Variants in SIRT1 observed in about 807,000 individuals in gnomAD.
The protein encoded by SIRT1 is NAD-dependent protein deacetylase sirtuin-1.
A neutral mutation model predicts 67.9 loss-of-function variants in SIRT1; 24 were observed. That is an observed-to-expected ratio of 0.35 (90% confidence interval 0.26 to 0.50). The LOEUF is 0.50. Ranked by LOEUF, SIRT1 falls within the 20% of genes least tolerant of loss-of-function variation. The pLI is 0.98. For missense variants in SIRT1, 873 were observed against 937.2 expected (o/e 0.93, Z 0.89); for synonymous variants, 378 against 350.7 (o/e 1.08, Z -0.87).
chr10:67,884,658 C>A lies in SIRT1; in HGVS notation c.-64C>A, dbSNP rs1018687993. 29 of 1,223,340 alleles carry A rather than the reference C, an allele frequency of 2.4e-5. No homozygotes were observed. Among genetic ancestry groups the A allele is most frequent in the Non-Finnish European group, 3.0e-5 (29 of 982,630 alleles). 75.8% of individuals were successfully genotyped at this position (1,223,340 alleles called of 1,614,324 possible). A position where few individuals can be genotyped will look rare whatever the true frequency, so the allele number is the denominator to read the frequency against. On this transcript the variant is annotated 5_prime_UTR_variant, in exon 1 of 9. Coordinates refer to ENST00000212015, the MANE Select transcript of SIRT1 (RefSeq NM_012238.5). ...CCCGCAGCCGGAGCCGCGGGGGCGC[C>A]AGTGCCGCGCGTCGAGCGGGAGCAG...
chr10:67,896,276 G>C (rs544892428), intron 4 of SIRT1, among the ~76,000 whole-genome samples: 2 of 152,202 alleles, frequency 1.3e-5, no homozygotes, highest in Admixed American at 1.3e-4. Context: ...GAGACCATAG[G>C]CACGTACCAT....
Position 67,912,790 on chromosome 10 carries a change from A to G in SIRT1, c.1674A>G (p.Gln558=), listed in dbSNP as rs745961685. 5 of 1,614,172 alleles carry G rather than the reference A, an allele frequency of 3.1e-6. No homozygotes were observed. Among genetic ancestry groups the G allele is most frequent in the Non-Finnish European group, 4.2e-6 (5 of 1,180,024 alleles). The change falls in exon 8 of 9, where the codon CAA becomes CAG. Residue 558 remains glutamine (Q), a synonymous_variant. Transcript: ENST00000212015. ...DSSVIVTLLD[Q]AAKSNDDLDV... ...CAGTGATTGTCACACTTTTAGACCAAGCAGCTAAGAGTAATGATGATTTAG... is the reference window on the plus strand; with the variant it reads ...CAGTGATTGTCACACTTTTAGACCAGGCAGCTAAGAGTAATGATGATTTAG...
At position 67,897,791 on chromosome 10, in the gene SIRT1, C is replaced by T. The variant is rs200065116; in HGVS notation, c.942+6237C>T. Among the ~76,000 whole-genome samples, 20 of 151,906 alleles carry T rather than the reference C, an allele frequency of 1.3e-4. No homozygotes were observed. The East Asian group carries it at 3.9e-3, about 30-fold the overall frequency. On this transcript the variant is annotated intron_variant, in intron 4 of 8. Transcript: ENST00000212015. The stretch of plus-strand genomic sequence containing the variant: ...GGGATTACAGGCGTGAGCCACTTCG[C>T]CCAGCCTGCACTGTGTTCTTATCCT...
intron 4 of SIRT1, among the ~76,000 whole-genome samples, chr10:67,900,035 T>C (rs1255109913): frequency 2.0e-5 from 3 of 152,054 alleles, no homozygotes; most frequent in Non-Finnish European, 4.4e-5. Flanking sequence ...AGTGAGCCAA[T>C]AATATGCTGC....
At position 67,887,540 on chromosome 10, in the gene SIRT1, C is replaced by G; in HGVS notation, c.547+7C>G. The G allele has an allele frequency of 6.5e-7, 1 of 1,544,144 alleles. No individual in the cohort carries two copies. Among genetic ancestry groups the G allele is most frequent in the Non-Finnish European group, 8.9e-7 (1 of 1,118,970 alleles). ...ACTCCAAGGCCACGGATAGGTATGG[C>G]TCAGAGCTGTTAATTTTAGAGAGTA... On this transcript the variant is annotated splice_region_variant and intron_variant, in intron 2 of 8. Coordinates refer to ENST00000212015, the MANE Select transcript of SIRT1 (RefSeq NM_012238.5).
intron 8 of SIRT1, 40 bp downstream of exon 8, chr10:67,913,071 C>CATAACAGT: frequency 6.5e-7 from 1 of 1,543,824 alleles, no homozygotes; most frequent in Non-Finnish European, 8.7e-7. Flanking sequence ...GTATAAATGT[C>CATAACAGT]ATAACAGTAT....
At chr10:67,904,129 T>G (rs1458385757) in intron 4 of SIRT1, among the ~76,000 whole-genome samples, 4 of 98,008 alleles carry the variant, frequency 4.1e-5, no homozygotes, top group Non-Finnish European at 5.3e-5. Flanking sequence ...TTTTGTTTGT[T>G]TTTTTTTTTT....
Position 67,906,707 on chromosome 10 carries a change from T to C in SIRT1, c.943-83T>C, listed in dbSNP as rs1397389793. The C allele has an allele frequency of 3.8e-6, 5 of 1,302,236 alleles. No individual in the cohort carries two copies. In the South Asian group the frequency reaches 3.9e-5, roughly 10 times the overall value. The allele number at this position is 1,302,236 out of a possible 1,614,324, so 80.7% of individuals were successfully genotyped here. A position where few individuals can be genotyped will look rare whatever the true frequency, so the allele number is the denominator to read the frequency against. The stretch of plus-strand genomic sequence containing the variant: ...CATTTTTAAAATTATGTGTGTGGGA[T>C]TATCAGTATTTTTTTGTTAAACATA... On this transcript the variant is annotated intron_variant, in intron 4 of 8. Coordinates refer to ENST00000212015, the MANE Select transcript of SIRT1 (RefSeq NM_012238.5).
At chr10:67,904,383 C>T (rs959093668) in intron 4 of SIRT1, among the ~76,000 whole-genome samples, 4 of 151,830 alleles carry the variant, frequency 2.6e-5, no homozygotes, top group African/African-American at 7.2e-5. Context: ...GTAACCTGCC[C>T]GCCTCGGCCT....
chr10:67,909,186 A>T (rs1842863723), intron 6 of SIRT1, 70 bp from the exon 7 acceptor site: 5 of 1,031,812 alleles, frequency 4.8e-6, no homozygotes. Flanking sequence ...GAGGTATGGA[A>T]ATGTTGACTA....
intron 1 of SIRT1, among the ~76,000 whole-genome samples, chr10:67,885,941 CTTTTTTTTTTTT>C (rs766544980): frequency 6.3e-4 from 60 of 95,574 alleles, no homozygotes; most frequent in Non-Finnish European, 7.5e-4. Flanking sequence ...TTGAAGGTTT[CTTTTTTTTTTTT>C]TTTTTTTTTT....
chr10:67,904,012 A>G (rs1342038551), intron 4 of SIRT1, among the ~76,000 whole-genome samples: 1 of 152,042 alleles, frequency 6.6e-6, no homozygotes, highest in Non-Finnish European at 1.5e-5. Context: ...TGTAAGTTGT[A>G]TCTCCAGTCA....
At chr10:67,908,771 A>G (rs1401919596) in intron 6 of SIRT1, among the ~76,000 whole-genome samples, 1 of 152,148 alleles carries the variant, frequency 6.6e-6, no homozygotes, top group Admixed American at 6.6e-5. Flanking sequence ...GCATGGTGGC[A>G]TATGCCTTTA....
At chr10:67,891,070 C>G (rs530925227) in intron 3 of SIRT1, among the ~76,000 whole-genome samples, 17 of 151,756 alleles carry the variant, frequency 1.1e-4, no homozygotes, top group Admixed American at 9.9e-4. Flanking sequence ...AAATTCTTCC[C>G]TACTTAAAAT....
At chr10:67,888,787 A>G in intron 2 of SIRT1, 95 bp from the exon 3 acceptor site, 1 of 1,415,822 alleles carries the variant, frequency 7.1e-7, no homozygotes, top group Non-Finnish European at 9.5e-7. Context: ...CTTTGCAAAA[A>G]ACCCTCACAG....
chr10:67,902,266 G>C (rs2131871936), intron 4 of SIRT1, among the ~76,000 whole-genome samples: 2 of 152,346 alleles, frequency 1.3e-5, no homozygotes, highest in African/African-American at 4.8e-5. Context: ...TGGGATTACA[G>C]GCGTGAGCCA....
At chr10:67,885,615 G>GT (rs1470879283) in intron 1 of SIRT1, among the ~76,000 whole-genome samples, 1 of 151,646 alleles carries the variant, frequency 6.6e-6, no homozygotes, top group African/African-American at 2.4e-5. Context: ...CACCTGTGCA[G>GT]TTTGCTTTTT....
At chr10:67,894,634 T>C (rs996175205) in intron 4 of SIRT1, among the ~76,000 whole-genome samples, 1 of 152,208 alleles carries the variant, frequency 6.6e-6, no homozygotes, top group African/African-American at 2.4e-5. Context: ...GAGAATACAT[T>C]TTTTATTGTT....
intron 6 of SIRT1, 132 bp downstream of exon 6, chr10:67,908,257 G>T (rs10997870): frequency 0.56 from 386,596 of 685,878 alleles, 119,825 homozygotes; most frequent in Non-Finnish European, 0.66. Context: ...GTTAGCATTT[G>T]GGAATTTTGG....
Sources: gnomAD v4.1 joint callset for allele counts (sites outside exome capture counted in the v4.1 genomes callset) on GRCh38, gnomAD v4.1.1 for gene constraint, MANE v1.5 for transcripts, NCBI Gene and HGNC (gene_info 2026-07-23, HGNC 2026-07-21) for gene names.